Variants in MAD1L1 observed in about 807,000 individuals in gnomAD.
MAD1L1 encodes the protein mitotic spindle assembly checkpoint protein MAD1.
Under a neutral mutation model 96.9 loss-of-function variants are expected in MAD1L1, and 95 were observed. The ratio of observed to expected loss-of-function variants is 0.98; its 90% CI spans 0.83 to 1.16. The LOEUF is 1.16. Among genes scored for constraint, MAD1L1 ranks in the 50% most tolerant of loss-of-function variants. The pLI, the probability that MAD1L1 is intolerant of heterozygous loss-of-function variation, is 0.00. For missense variants in MAD1L1, 1,007 were observed against 954.4 expected (o/e 1.06, Z -0.73); for synonymous variants, 473 against 396.6 (o/e 1.19, Z -2.29).
chr7:1,960,137 A>G (rs1749205761), intron 15 of MAD1L1, among the ~76,000 whole-genome samples: 2 of 152,118 alleles, frequency 1.3e-5, no homozygotes, highest in Admixed American at 1.3e-4. Context: ...AAAGATGTAT[A>G]CTATATACCC....
intron 14 of MAD1L1, among the ~76,000 whole-genome samples, chr7:2,001,044 G>A (rs1781768748): frequency 6.6e-6 from 1 of 152,236 alleles, no homozygotes; most frequent in Non-Finnish European, 1.5e-5. Context: ...CACAGGCTGT[G>A]CTGCCAGCCC....
Position 2,168,001 on chromosome 7 carries a change from T to C in MAD1L1, c.987-18763A>G, listed in dbSNP as rs1319639323. Among the ~76,000 whole-genome samples the C allele has an allele frequency of 2.6e-5, 4 of 152,134 alleles. No homozygotes were observed. In the East Asian group the frequency reaches 7.7e-4, roughly 29 times the overall value. ...AGATTGCAGAGTAAAGAACAGTAAA[T>C]TGGACGGGCATGGTGGCTCACGCCT... On this transcript the variant is annotated intron_variant, in intron 10 of 18. Transcript: ENST00000265854.
intron 15 of MAD1L1, among the ~76,000 whole-genome samples, chr7:1,978,422 G>A (rs918296511): frequency 8.5e-5 from 13 of 152,248 alleles, no homozygotes; most frequent in African/African-American, 1.4e-4. Flanking sequence ...GGGGCTCCCA[G>A]CACCAATGCT....
chr7:2,176,468 T>A (rs1404075674), intron 10 of MAD1L1, among the ~76,000 whole-genome samples: 2 of 152,100 alleles, frequency 1.3e-5, no homozygotes, highest in African/African-American at 2.4e-5. Flanking sequence ...TCCCGGCCAA[T>A]GTAATAATGT....
intron 18 of MAD1L1, among the ~76,000 whole-genome samples, chr7:1,835,159 A>C (rs1782883638): frequency 6.6e-6 from 1 of 152,160 alleles, no homozygotes. Flanking sequence ...ATTAGAAGAG[A>C]ACTTCCTCAG....
intron 16 of MAD1L1, among the ~76,000 whole-genome samples, chr7:1,941,746 G>A (rs1779009675): frequency 6.6e-6 from 1 of 152,230 alleles, no homozygotes; most frequent in Non-Finnish European, 1.5e-5. Context: ...CATTCACTGG[G>A]CACCTGCGGC....
intron 18 of MAD1L1, among the ~76,000 whole-genome samples, chr7:1,875,571 C>T (rs1785342889): frequency 1.3e-5 from 2 of 152,154 alleles, no homozygotes; most frequent in Non-Finnish European, 2.9e-5. Flanking sequence ...AGCAGGTGGC[C>T]CACACGGGCT....
intron 18 of MAD1L1, among the ~76,000 whole-genome samples, chr7:1,869,065 G>A (rs752562298): frequency 4.9e-4 from 75 of 152,308 alleles, no homozygotes; most frequent in Non-Finnish European, 8.7e-4. Context: ...CGACGCAACT[G>A]GTCCAGGCCA....
chr7:2,015,074 T>C (rs1310535237), intron 12 of MAD1L1, among the ~76,000 whole-genome samples: 2 of 152,160 alleles, frequency 1.3e-5, no homozygotes, highest in African/African-American at 4.8e-5. Flanking sequence ...TGAGTCCCAG[T>C]CACACTGGGC....
chr7:2,192,541 G>A (rs958188560), intron 10 of MAD1L1, among the ~76,000 whole-genome samples: 1 of 152,094 alleles, frequency 6.6e-6, no homozygotes, highest in Non-Finnish European at 1.5e-5. Context: ...AACAATTCAG[G>A]AAAACTATCA....
chr7:2,009,516 G>T (rs368314170), intron 13 of MAD1L1, among the ~76,000 whole-genome samples: 6 of 152,206 alleles, frequency 3.9e-5, no homozygotes, highest in African/African-American at 1.4e-4. Context: ...GAAGCAGGAG[G>T]CGGCACACCA....
intron 15 of MAD1L1, among the ~76,000 whole-genome samples, chr7:1,960,590 T>C (rs1779913275): frequency 6.6e-6 from 1 of 152,140 alleles, no homozygotes; most frequent in Non-Finnish European, 1.5e-5. Flanking sequence ...GATTGATTAA[T>C]CAAAGGAAAA....
At chr7:2,188,659 T>C (rs1047201280) in intron 10 of MAD1L1, among the ~76,000 whole-genome samples, 3 of 152,122 alleles carry the variant, frequency 2.0e-5, no homozygotes, top group African/African-American at 7.2e-5. Flanking sequence ...GTTGGGCCCT[T>C]AAACCATACA....
chr7:2,110,218 C>A (rs1425460184), intron 11 of MAD1L1, among the ~76,000 whole-genome samples: 1 of 152,216 alleles, frequency 6.6e-6, no homozygotes, highest in Non-Finnish European at 1.5e-5. Context: ...TTCAATGACA[C>A]AGATGTCCAG....
chr7:1,831,836 G>C (rs1239934473), intron 18 of MAD1L1, among the ~76,000 whole-genome samples: 1 of 152,176 alleles, frequency 6.6e-6, no homozygotes, highest in African/African-American at 2.4e-5. Flanking sequence ...ACAGTGCACT[G>C]AATATTTTAA....
intron 12 of MAD1L1, among the ~76,000 whole-genome samples, chr7:2,021,939 A>T (rs887686450): frequency 2.6e-5 from 4 of 152,090 alleles, no homozygotes; most frequent in Non-Finnish European, 5.9e-5. Context: ...ACAAATAAGG[A>T]AAAATAAAAT....
In MAD1L1 at chr7:2,146,032, G is replaced by C. The variant is rs530823606; in HGVS notation, c.1073+3120C>G. ...AGAAGGAAAGTTACACAACACCCAGGAAGTGCATCAAGACTGCGTGGTGTA... is the reference window on the plus strand; with the variant it reads ...AGAAGGAAAGTTACACAACACCCAGCAAGTGCATCAAGACTGCGTGGTGTA... On this transcript the variant is annotated intron_variant, in intron 11 of 18. Transcript: ENST00000265854. This position sits in a 1 kb window ranked among gnomAD's most constrained non-coding sequence, Gnocchi z 6.2. 6.6e-5 allele frequency among the ~76,000 whole-genome samples: 10 copies of C among 152,206 alleles called. No individual in the cohort carries two copies. Among genetic ancestry groups the C allele is most frequent in the Non-Finnish European group, 1.0e-4 (7 of 68,032 alleles).
At chr7:2,203,575 G>A (rs951334305) in intron 10 of MAD1L1, among the ~76,000 whole-genome samples, 5 of 152,192 alleles carry the variant, frequency 3.3e-5, no homozygotes, top group African/African-American at 1.2e-4. Context: ...CACCCTAAGT[G>A]TCCATCAACA....
chr7:2,095,648 C>G (rs1036661400), intron 11 of MAD1L1, among the ~76,000 whole-genome samples: 2 of 152,138 alleles, frequency 1.3e-5, no homozygotes, highest in African/African-American at 4.8e-5. Flanking sequence ...CAGGGTGGGG[C>G]GAGGCAGCAC....
Sources: gnomAD v4.1 joint callset for allele counts (sites outside exome capture counted in the v4.1 genomes callset) on GRCh38, gnomAD v4.1.1 for gene constraint, Gnocchi (gnomAD v3.1) non-coding constraint, MANE v1.5 for transcripts, NCBI Gene and HGNC (gene_info 2026-07-23, HGNC 2026-07-21) for gene names.